The following HELB variants were observed in gnomAD, a reference collection of about 807,000 sequenced individuals.
The protein encoded by HELB is DNA 5'-3' helicase B.
A neutral mutation model predicts 101.7 loss-of-function variants in HELB; 96 were observed. The ratio of observed to expected loss-of-function variants is 0.94; its 90% confidence interval spans 0.80 to 1.12. The LOEUF is 1.12. Ranked by LOEUF, HELB falls within the 50% of genes most tolerant of loss-of-function variation. HELB has a pLI of 0.00. For synonymous variants in HELB, 437 were observed against 459.7 expected (o/e 0.95, Z 0.63); for missense variants, 1,210 against 1,291.9 (o/e 0.94, Z 0.97).
At chr12:66,320,430 A>C (rs12367438) in intron 7 of HELB, among the ~76,000 whole-genome samples, 89,260 of 151,984 alleles carry the variant, frequency 0.59, 28,082 homozygotes, top group Middle Eastern at 0.82. Context: ...ATGTATGTTA[A>C]ATAATTAATA....
chr12:66,318,605 G>C, intron 6 of HELB, 33 bp from the exon 7 acceptor site: 1 of 1,563,702 alleles, frequency 6.4e-7, no homozygotes, highest in Non-Finnish European at 8.6e-7. Flanking sequence ...GGATGATAAT[G>C]TTCTTTGTGT....
intron 11 of HELB, among the ~76,000 whole-genome samples, chr12:66,327,054 A>T (rs1216715120): frequency 4.7e-5 from 6 of 126,966 alleles, no homozygotes; most frequent in African/African-American, 1.4e-4. Context: ...AAAAAAAAAA[A>T]AAAAAAAAAA....
chr12:66,332,316 C>T (rs979847218), intron 12 of HELB, among the ~76,000 whole-genome samples: 1 of 152,186 alleles, frequency 6.6e-6, no homozygotes, highest in African/African-American at 2.4e-5. Context: ...CTTTCTTGTT[C>T]CCATTCTCGT....
chr12:66,320,089 A>G (rs2053653831), intron 7 of HELB, among the ~76,000 whole-genome samples: 1 of 152,136 alleles, frequency 6.6e-6, no homozygotes, highest in African/African-American at 2.4e-5. Context: ...ACATCAGAGT[A>G]CAAAGAATCA....
At chr12:66,331,088 C>T (rs563981426) in intron 11 of HELB, 66 bp from the exon 12 acceptor site, 17 of 1,513,574 alleles carry the variant, frequency 1.1e-5, no homozygotes, top group Non-Finnish European at 1.4e-5. Context: ...GTCTCCTTTC[C>T]TTGTCTGTAA....
chr12:66,326,895 G>C (rs2053745218), intron 11 of HELB, among the ~76,000 whole-genome samples: 1 of 150,756 alleles, frequency 6.6e-6, no homozygotes, highest in African/African-American at 2.4e-5. Flanking sequence ...AGGTAACTGG[G>C]CATGGTGGTG....
intron 6 of HELB, among the ~76,000 whole-genome samples, chr12:66,315,878 G>A (rs568623638): frequency 1.2e-4 from 18 of 152,254 alleles, no homozygotes; most frequent in Non-Finnish European, 2.2e-4. Context: ...CTTTGCATAA[G>A]CCTTTGGAGT....
chr12:66,302,732 C>T lies in HELB; in HGVS notation c.129C>T (p.Asp43=). ...VEEDEESVFI[D]AEELCSGGVK... ...AGGATGAAGAGTCCGTGTTCATCGA[C>T]GCCGAGGAGCTCTGCAGTGGGGGCG... Residue 43 remains aspartate (D), a synonymous_variant, in exon 1 of 13, where the codon GAC becomes GAT. Coordinates refer to ENST00000247815, the MANE Select transcript of HELB (RefSeq NM_001370285.1). 1 of 1,614,012 alleles carries T rather than the reference C, an allele frequency of 6.2e-7. No individual in the cohort carries two copies. The highest frequency in any genetic ancestry group is 8.5e-7 in the Non-Finnish European group (1 of 1,179,918).
chr12:66,315,003 T>C (rs964166811), intron 5 of HELB, among the ~76,000 whole-genome samples: 1 of 151,570 alleles, frequency 6.6e-6, no homozygotes, highest in Non-Finnish European at 1.5e-5. Context: ...GTTTTTTTTT[T>C]CCCCTAATAT....
intron 7 of HELB, chr12:66,321,701 A>C: frequency 2.6e-6 from 1 of 380,234 alleles, no homozygotes; most frequent in Non-Finnish European, 4.8e-6. Flanking sequence ...CAAATGGGGA[A>C]CTGTCCTGGC....
intron 11 of HELB, among the ~76,000 whole-genome samples, chr12:66,328,265 T>C (rs1244489221): frequency 6.6e-6 from 1 of 152,138 alleles, no homozygotes; most frequent in Non-Finnish European, 1.5e-5. Flanking sequence ...ATTTTAATTT[T>C]AAAAATGGAT....
intron 12 of HELB, among the ~76,000 whole-genome samples, chr12:66,332,983 T>C (rs942964725): frequency 1.4e-4 from 21 of 152,106 alleles, no homozygotes; most frequent in African/African-American, 4.8e-4. Context: ...ACTCTTGCTG[T>C]GTCCCTCATC....
downstream of HELB, chr12:66,340,532 T>G (rs894093033): frequency 1.3e-5 from 2 of 150,772 alleles, no homozygotes; most frequent in African/African-American, 2.5e-5. Flanking sequence ...ATAGGATATA[T>G]GTGGATATAA....
intron 11 of HELB, among the ~76,000 whole-genome samples, chr12:66,327,793 T>TA (rs199719438): frequency 0.013 from 2,009 of 151,112 alleles, 104 homozygotes; most frequent in Admixed American, 0.089. Flanking sequence ...GTCATAAAAA[T>TA]AAAAAAAATA....
intron 12 of HELB, among the ~76,000 whole-genome samples, chr12:66,335,222 G>A (rs76498074): frequency 1.3e-4 from 20 of 152,302 alleles, no homozygotes; most frequent in Non-Finnish European, 2.4e-4. Flanking sequence ...GCAGGGAGTA[G>A]GGTAGGAAAG....
rs777847734 is a variant in HELB at position 66,310,548 on chromosome 12, A to G, written c.1620A>G (p.Thr540=). ...TAGAAGTTTTGCTCACAGCACCTAC[A>G]GGGAAAGCAGCTGGCTTACTAAGAC... ...KAIEVLLTAP[T]GKAAGLLRQK... The change falls in exon 4 of 13, where the codon ACA becomes ACG. Residue 540 remains threonine, a synonymous_variant. Coordinates refer to ENST00000247815, the MANE Select transcript of HELB (RefSeq NM_001370285.1). 4 of 1,614,108 alleles carry G rather than the reference A, an allele frequency of 2.5e-6. No individual in the cohort carries two copies. In the South Asian group the frequency reaches 3.3e-5, roughly 13 times the overall value.
intron 8 of HELB, among the ~76,000 whole-genome samples, 156 bp from the exon 9 acceptor site, chr12:66,322,568 A>C (rs75625606): frequency 7.2e-5 from 1 of 13,980 alleles, no homozygotes; most frequent in Non-Finnish European, 2.2e-4. Flanking sequence ...GCTGTCTCAA[A>C]AAAAAAAAAA....
At chr12:66,309,656 C>A in intron 3 of HELB, 50 bp from the exon 4 acceptor site, 1 of 1,220,000 alleles carries the variant, frequency 8.2e-7, no homozygotes, top group South Asian at 1.6e-5. Flanking sequence ...AGAACATATT[C>A]ATAAACACTT....
chr12:66,328,608 G>A (rs2053769594), intron 11 of HELB, among the ~76,000 whole-genome samples: 1 of 152,086 alleles, frequency 6.6e-6, no homozygotes, highest in Non-Finnish European at 1.5e-5. Flanking sequence ...ACTTCTGTAT[G>A]TTGGAAAAAC....
Sources: allele counts gnomAD v4.1 joint callset (sites outside exome capture counted in the v4.1 genomes callset), GRCh38; gene constraint gnomAD v4.1.1; transcripts MANE v1.5; gene names NCBI Gene and HGNC (gene_info 2026-07-23, HGNC 2026-07-21).